CDH20: variants seen among roughly 807,000 people sequenced by gnomAD.
CDH20 encodes cadherin-20.
Under a neutral mutation model 74.2 loss-of-function variants are expected in CDH20, and 29 were observed. That is an observed-to-expected ratio of 0.39 (90% confidence interval 0.29 to 0.53). The LOEUF (loss-of-function observed/expected upper bound fraction) is 0.53, where lower values mean the gene tolerates loss of function less well. Ranked by LOEUF, CDH20 falls within the 20% of genes least tolerant of loss-of-function variation. The pLI is 0.69. For synonymous variants in CDH20, 469 were observed against 405.4 expected, an observed-to-expected ratio of 1.16 and a Z score of -1.88; for missense variants, 988 against 1,048.3, an observed-to-expected ratio of 0.94 and a Z score of 0.79.
chr18:61,535,317 G>GA (rs963960513), intron 7 of CDH20, among the ~76,000 whole-genome samples: 1,498 of 146,576 alleles, frequency 0.01, 30 homozygotes, highest in African/African-American at 0.035. Flanking sequence ...CTCCACCTCA[G>GA]AAAAAAAAAA....
chr18:61,428,449 CCTG>C (rs1913145740), intron 1 of CDH20, among the ~76,000 whole-genome samples: 1 of 152,134 alleles, frequency 6.6e-6, no homozygotes, highest in African/African-American at 2.4e-5. Context: ...GTTGACGGCT[CCTG>C]CAGTGCAAAA....
chr18:61,554,916 T>C lies in CDH20; in HGVS notation c.*221T>C, dbSNP rs1460614848. Reference sequence around the variant, plus strand: ...GAGGGCAGAATCTTTAATTACCTTTTTTTCTTTTCTTTTTGATTTTTCTGA... The same window carrying C: ...GAGGGCAGAATCTTTAATTACCTTTCTTTCTTTTCTTTTTGATTTTTCTGA... On this transcript the variant is annotated 3_prime_UTR_variant, in exon 12 of 12. Coordinates refer to ENST00000262717, the MANE Select transcript of CDH20 (RefSeq NM_031891.4). 7.3e-6 allele frequency: 10 copies of C among 1,370,784 alleles called. No homozygotes were observed. The East Asian group carries it at 2.3e-4, about 32-fold the overall frequency. The allele number at this position is 1,370,784 out of a possible 1,614,324, so 84.9% of individuals were successfully genotyped here. A position where few individuals can be genotyped will look rare whatever the true frequency, so the allele number is the denominator to read the frequency against.
chr18:61,555,102 TATC>T lies in CDH20; in HGVS notation c.*408_*410del. On this transcript the variant is annotated 3_prime_UTR_variant, in exon 12 of 12. Coordinates refer to ENST00000262717, the MANE Select transcript of CDH20 (RefSeq NM_031891.4). ...AAGTTCTACTCTCGTATCTGTTTTT[TATC>T]TTATCTTATTCTCCATTTAAGAGTT... The T allele has an allele frequency of 1.0e-6, 1 of 979,974 alleles. No homozygotes were observed. Among genetic ancestry groups the T allele is most frequent in the Non-Finnish European group, 1.2e-6 (1 of 816,902 alleles). 60.7% of individuals were successfully genotyped at this position (979,974 alleles called of 1,614,324 possible).
At chr18:61,486,242 C>G (rs745552303) in intron 1 of CDH20, among the ~76,000 whole-genome samples, 61 of 152,246 alleles carry the variant, frequency 4.0e-4, no homozygotes, top group African/African-American at 1.3e-3. Flanking sequence ...CAAGACAGAT[C>G]CCTAGTGATG....
chr18:61,432,679 G>GTCA (rs1913296724), intron 1 of CDH20, among the ~76,000 whole-genome samples: 1 of 152,122 alleles, frequency 6.6e-6, no homozygotes, highest in Non-Finnish European at 1.5e-5. Flanking sequence ...TAGGGGAAGG[G>GTCA]GTGATGGCAC....
intron 10 of CDH20, among the ~76,000 whole-genome samples, chr18:61,545,937 G>GGCT (rs1364148139): frequency 6.6e-6 from 1 of 152,020 alleles, no homozygotes; most frequent in Non-Finnish European, 1.5e-5. Flanking sequence ...CCAGCTAAGG[G>GGCT]GCTCATAGAC....
chr18:61,375,674 A>C (rs1238035100), intron 1 of CDH20, among the ~76,000 whole-genome samples: 9 of 152,078 alleles, frequency 5.9e-5, no homozygotes, highest in Non-Finnish European at 1.0e-4. Flanking sequence ...GACCAACTCA[A>C]GTGTCACCCA....
chr18:61,337,536 G>A (rs1380486473), intron 1 of CDH20, among the ~76,000 whole-genome samples: 1 of 152,080 alleles, frequency 6.6e-6, no homozygotes, highest in Non-Finnish European at 1.5e-5. Context: ...TTGCTACAGT[G>A]ATTAATCTTT....
At chr18:61,500,102 T>TAAAAAAA (rs534695760) in intron 3 of CDH20, among the ~76,000 whole-genome samples, 12 of 56,576 alleles carry the variant, frequency 2.1e-4, no homozygotes, top group Non-Finnish European at 2.6e-4. Flanking sequence ...GACTCCATCT[T>TAAAAAAA]AAAAAAAAAA....
intron 1 of CDH20, among the ~76,000 whole-genome samples, chr18:61,483,451 C>A (rs75288242): frequency 0.025 from 3,791 of 152,246 alleles, 176 homozygotes; most frequent in East Asian, 0.12. Flanking sequence ...TTTGTGGAAT[C>A]CTTGTAAGGA....
chr18:61,350,663 C>T (rs1013735084), intron 1 of CDH20, among the ~76,000 whole-genome samples: 2 of 152,160 alleles, frequency 1.3e-5, no homozygotes, highest in African/African-American at 4.8e-5. Context: ...GGCTTCACAC[C>T]ATAGTCGTCT....
At chr18:61,405,463 G>T (rs1248818806) in intron 1 of CDH20, among the ~76,000 whole-genome samples, 2 of 152,098 alleles carry the variant, frequency 1.3e-5, no homozygotes, top group Non-Finnish European at 2.9e-5. Context: ...ATTAGCTGGG[G>T]TAGGCCAAGC....
At chr18:61,400,149 G>A (rs943248312) in intron 1 of CDH20, among the ~76,000 whole-genome samples, 1 of 152,170 alleles carries the variant, frequency 6.6e-6, no homozygotes, top group Admixed American at 6.5e-5. Flanking sequence ...TACCAAGTGA[G>A]GGGACAATAG....
intron 1 of CDH20, among the ~76,000 whole-genome samples, chr18:61,482,650 T>C (rs371705103): frequency 0.1 from 7 of 70 alleles, no homozygotes; most frequent in Admixed American, 0.5. Flanking sequence ...TTAACTTTAC[T>C]TTTTTTTTAC....
intron 2 of CDH20, among the ~76,000 whole-genome samples, chr18:61,495,533 G>A (rs1911106692): frequency 6.6e-6 from 1 of 152,174 alleles, no homozygotes; most frequent in Non-Finnish European, 1.5e-5. Flanking sequence ...GAGGAGGGAG[G>A]AGTGACTTGC....
At position 61,555,679 on chromosome 18, in the gene CDH20, T is replaced by C; in HGVS notation, c.*984T>C. ...TAAATGGATGTAAGAAAATTACATG[T>C]ACAAGTTTTGTATATTTGTTAATAA... On this transcript the variant is annotated 3_prime_UTR_variant, in exon 12 of 12. Transcript: ENST00000262717. 3.1e-6 allele frequency: 3 copies of C among 970,032 alleles called. No homozygotes were observed. Among genetic ancestry groups the C allele is most frequent in the Non-Finnish European group, 3.7e-6 (3 of 815,892 alleles). 60.1% of individuals were successfully genotyped at this position (970,032 alleles called of 1,614,324 possible).
intron 1 of CDH20, among the ~76,000 whole-genome samples, chr18:61,395,220 G>A (rs1285412919): frequency 6.6e-6 from 1 of 152,116 alleles, no homozygotes; most frequent in East Asian, 1.9e-4. Flanking sequence ...GGCTGTCTGG[G>A]TCTGAGAACT....
chr18:61,424,188 A>G lies in CDH20; in HGVS notation c.-152-66214A>G, dbSNP rs1005470315. ...AACCAGAGCAATTATGATATCCATC[A>G]CCTCAAACATTTATGACTTTTTTGT... On this transcript the variant is annotated intron_variant, in intron 1 of 11. Transcript: ENST00000262717. 7.9e-5 allele frequency among the ~76,000 whole-genome samples: 12 copies of G among 152,358 alleles called. 1 individual carries two copies. The highest frequency in any genetic ancestry group is 1.8e-4 in the Non-Finnish European group (12 of 68,036).
At chr18:61,452,457 G>A (rs1285857530) in intron 1 of CDH20, among the ~76,000 whole-genome samples, 2 of 151,964 alleles carry the variant, frequency 1.3e-5, no homozygotes, top group Admixed American at 6.6e-5. Context: ...GAAATTGATT[G>A]TGTTTATTTT....
Sources: gnomAD v4.1 joint callset for allele counts (sites outside exome capture counted in the v4.1 genomes callset) on GRCh38, gnomAD v4.1.1 for gene constraint, MANE v1.5 for transcripts, NCBI Gene and HGNC (gene_info 2026-07-23, HGNC 2026-07-21) for gene names.